Variants in NRXN3 observed in about 807,000 individuals in gnomAD.
NRXN3 encodes neurexin 3.
Under a neutral mutation model 137.6 loss-of-function variants are expected in NRXN3, and 32 were observed. That is an observed-to-expected ratio of 0.23 (90% CI 0.18 to 0.31). NRXN3 has a LOEUF of 0.31. Ranked by LOEUF, NRXN3 falls within the 10% of genes least tolerant of loss-of-function variation. NRXN3 has a pLI of 1.00. For missense variants in NRXN3, 1,574 were observed against 2,062.5 expected (o/e 0.76, Z 4.59); for synonymous variants, 798 against 784.5 (o/e 1.02, Z -0.29).
intron 15 of NRXN3, among the ~76,000 whole-genome samples, chr14:79,036,702 G>A (rs1033811460): frequency 8.2e-5 from 12 of 145,874 alleles, no homozygotes; most frequent in African/African-American, 2.3e-4. Flanking sequence ...CGACAGTCCC[G>A]AAGGAACTTG....
At chr14:79,145,371 A>G (rs982166975) in intron 15 of NRXN3, among the ~76,000 whole-genome samples, 1 of 152,148 alleles carries the variant, frequency 6.6e-6, no homozygotes, top group African/African-American at 2.4e-5. Flanking sequence ...AGTACCAGAG[A>G]CCGAAAGTCA....
At chr14:79,280,239 C>T (rs1241499842) in intron 15 of NRXN3, 8 of 1,605,586 alleles carry the variant, frequency 5.0e-6, no homozygotes, top group Non-Finnish European at 6.8e-6. Context: ...CTTCATTACT[C>T]CTCACTGGCT....
chr14:79,375,138 C>G (rs1425257306), intron 15 of NRXN3, among the ~76,000 whole-genome samples: 2 of 152,046 alleles, frequency 1.3e-5, no homozygotes, highest in African/African-American at 4.8e-5. Context: ...CTTGACTAGT[C>G]CCTCAGCGAG....
At chr14:78,886,384 G>A (rs1338659683) in intron 10 of NRXN3, among the ~76,000 whole-genome samples, 2 of 152,024 alleles carry the variant, frequency 1.3e-5, no homozygotes, top group East Asian at 3.9e-4. Context: ...AGTATATATA[G>A]TACCTGATAC....
intron 4 of NRXN3, among the ~76,000 whole-genome samples, chr14:78,445,463 C>T (rs1016159536): frequency 6.6e-6 from 1 of 152,186 alleles, no homozygotes; most frequent in Admixed American, 6.5e-5. Context: ...TCAGATAGAA[C>T]AAGCAGCATT....
At chr14:79,154,470 T>C (rs932144687) in intron 15 of NRXN3, among the ~76,000 whole-genome samples, 3 of 151,936 alleles carry the variant, frequency 2.0e-5, no homozygotes, top group African/African-American at 7.2e-5. Context: ...TTTAAGCCTT[T>C]AGAATTGTAA....
intron 4 of NRXN3, among the ~76,000 whole-genome samples, chr14:78,525,965 A>G (rs2096372374): frequency 6.6e-6 from 1 of 152,152 alleles, no homozygotes; most frequent in African/African-American, 2.4e-5. Context: ...ACATTTCTGG[A>G]TTCCTGACTG....
Position 78,966,377 on chromosome 14 carries a change from T to A in NRXN3, c.2748T>A (p.Asn916Lys). ...TTCTCTTCAATAGTGGTGATGGCAA[T>A]GACTTCATTGCAGTCGAGCTTGTCA... ...GFILFNSGDG[N>K]DFIAVELVKG... The change falls in exon 12 of 21, where the codon AAT becomes AAA. Residue 916 changes from asparagine (N) to lysine (K), a missense_variant. This residue lies in a region of NRXN3 where 718 missense variants were observed against 887.6 expected (regional missense o/e 0.81). Transcript: ENST00000335750. The A allele has an allele frequency of 6.2e-7, 1 of 1,613,896 alleles. No homozygotes were observed. The highest frequency in any genetic ancestry group is 8.5e-7 in the Non-Finnish European group (1 of 1,179,792).
At chr14:78,458,188 C>G (rs1425499627) in intron 4 of NRXN3, among the ~76,000 whole-genome samples, 1 of 152,144 alleles carries the variant, frequency 6.6e-6, no homozygotes. Context: ...TAGAGAGAGA[C>G]ACTCTATTTC....
At chr14:79,785,351 A>G (rs773305963) in intron 19 of NRXN3, among the ~76,000 whole-genome samples, 3 of 152,142 alleles carry the variant, frequency 2.0e-5, no homozygotes, top group Admixed American at 6.5e-5. Context: ...CTGTATATGC[A>G]TGTTCATTCT....
chr14:78,512,407 A>G (rs1204149587), intron 4 of NRXN3, among the ~76,000 whole-genome samples: 1 of 152,212 alleles, frequency 6.6e-6, no homozygotes, highest in African/African-American at 2.4e-5. Flanking sequence ...CTGAAAGTTT[A>G]TATGAGCTAG....
chr14:78,567,630 G>T (rs989651315), intron 4 of NRXN3, among the ~76,000 whole-genome samples: 1 of 152,128 alleles, frequency 6.6e-6, no homozygotes, highest in South Asian at 2.1e-4. Context: ...CAGGAAATAG[G>T]TTTCCTGTTC....
intron 2 of NRXN3, among the ~76,000 whole-genome samples, chr14:78,269,538 C>T (rs910154247): frequency 3.9e-5 from 6 of 152,114 alleles, no homozygotes; most frequent in Non-Finnish European, 8.8e-5. Context: ...TACAACATTA[C>T]GAATGTACTT....
At chr14:79,261,643 G>GTGT (rs1555903812) in intron 15 of NRXN3, among the ~76,000 whole-genome samples, 3 of 106,140 alleles carry the variant, frequency 2.8e-5, no homozygotes, top group Non-Finnish European at 4.0e-5. Flanking sequence ...GTGTGTGTGT[G>GTGT]ATGGGGTGGG....
rs551777560 is a variant in NRXN3 at position 79,488,504 on chromosome 14, C to T, written c.3444+21102C>T. Among the ~76,000 whole-genome samples the T allele has an allele frequency of 5.9e-5, 9 of 152,190 alleles. 1 individual carries two copies. The highest frequency in any genetic ancestry group is 4.2e-4 in the South Asian group (2 of 4,812). On this transcript the variant is annotated intron_variant, in intron 16 of 20. Coordinates refer to ENST00000335750, the MANE Select transcript of NRXN3 (RefSeq NM_001330195.2). ...CCAGTACAAAGGCAGAAATTGACAA[C>T]GCATGGGAGCAGAAGTGGATAAAAT...
chr14:79,188,362 T>C (rs2063786578), intron 15 of NRXN3, among the ~76,000 whole-genome samples: 1 of 149,530 alleles, frequency 6.7e-6, no homozygotes, highest in Admixed American at 6.8e-5. Context: ...AGAAAATTTG[T>C]GTTGCTGCTA....
chr14:78,566,834 G>A (rs547241489), intron 4 of NRXN3, among the ~76,000 whole-genome samples: 1 of 150,892 alleles, frequency 6.6e-6, no homozygotes, highest in South Asian at 2.1e-4. Context: ...TCCACAGTCT[G>A]TGGCTAGTGT....
At chr14:79,565,161 G>A (rs538810393) in intron 16 of NRXN3, among the ~76,000 whole-genome samples, 2 of 151,322 alleles carry the variant, frequency 1.3e-5, no homozygotes, top group Non-Finnish European at 2.9e-5. Flanking sequence ...GGTGTTGGTT[G>A]TGTAAGTGCT....
chr14:78,503,970 G>A (rs1205854017), intron 4 of NRXN3, among the ~76,000 whole-genome samples: 1 of 152,156 alleles, frequency 6.6e-6, no homozygotes, highest in Non-Finnish European at 1.5e-5. Context: ...CACAAAAGTA[G>A]AGTTCTCTAG....
Sources: allele counts gnomAD v4.1 joint callset (sites outside exome capture counted in the v4.1 genomes callset), GRCh38; gene constraint gnomAD v4.1.1; regional missense constraint gnomAD v4.1.1; transcripts MANE v1.5; gene names NCBI Gene and HGNC (gene_info 2026-07-23, HGNC 2026-07-21).